Variants in NFKBID observed in about 807,000 individuals in gnomAD.
NFKBID encodes the protein NF-kappa-B inhibitor delta.
A neutral mutation model predicts 53.4 loss-of-function variants in NFKBID; 26 were observed. That is an observed-to-expected ratio of 0.49 (90% CI 0.36 to 0.68). The LOEUF is 0.68. Among genes scored for constraint, NFKBID ranks in the 30% least tolerant of loss-of-function variants. The pLI, the probability that NFKBID is intolerant of heterozygous loss-of-function variation, is 0.00. For missense variants in NFKBID, 493 were observed against 614.1 expected (o/e 0.80, Z 2.08); for synonymous variants, 262 against 259.8 (o/e 1.01, Z -0.08).
chr19:35,893,692 T>C (rs575054511), intron 9 of NFKBID, among the ~76,000 whole-genome samples: 1 of 151,686 alleles, frequency 6.6e-6, no homozygotes, highest in East Asian at 2.0e-4. Flanking sequence ...TGGTGGCGGG[T>C]GCCTATAGTC....
chr19:35,893,801 C>A (rs1381984882), intron 9 of NFKBID, among the ~76,000 whole-genome samples: 4 of 140,412 alleles, frequency 2.8e-5, no homozygotes, highest in African/African-American at 1.1e-4. Flanking sequence ...GCCTGGGTGA[C>A]AGAGCGAGAG....
At chr19:35,894,383 T>G (rs1358745292) in intron 9 of NFKBID, among the ~76,000 whole-genome samples, 1 of 152,180 alleles carries the variant, frequency 6.6e-6, no homozygotes, top group Non-Finnish European at 1.5e-5. Context: ...CTACCTGGGT[T>G]CTAATTCTCT....
chr19:35,890,629 TGAA>T (rs772776312), intron 9 of NFKBID, 139 bp from the exon 10 acceptor site: 4 of 743,966 alleles, frequency 5.4e-6, no homozygotes, highest in East Asian at 2.5e-5. Context: ...TTTGGGAAGC[TGAA>T]GAAGGAGGAT....
At chr19:35,890,883 A>ATAAG (rs748550662) in intron 9 of NFKBID, among the ~76,000 whole-genome samples, 4 of 151,760 alleles carry the variant, frequency 2.6e-5, no homozygotes, top group Non-Finnish European at 4.4e-5. Flanking sequence ...AAATAAATAA[A>ATAAG]TAAGATGCTG....
Position 35,896,970 on chromosome 19 carries a change from G to T in NFKBID, c.521C>A (p.Ala174Asp), listed in dbSNP as rs770789091. ...CTGTGGCCCCAAAGCCAGCATGTGA[G>T]CTCGGGCCACCTCCAGCGATGGTCC... is the stretch of plus-strand genomic sequence containing the variant. Residue 174 changes from alanine to aspartate, a missense_variant, in exon 5 of 12, where the codon GCT becomes GAT. Around this residue, in one of 2 missense-constraint regions of NFKBID, gnomAD observed 226 missense variants for 229.5 expected, o/e 0.98. Transcript: ENST00000641389. This position sits in a 1 kb window ranked among gnomAD's most constrained non-coding sequence, Gnocchi z 5.7. 5.6e-6 allele frequency: 9 copies of T among 1,608,944 alleles called. No individual in the cohort carries two copies. The highest frequency in any genetic ancestry group is 7.6e-6 in the Non-Finnish European group (9 of 1,177,744).
intron 9 of NFKBID, among the ~76,000 whole-genome samples, chr19:35,893,164 G>A (rs1410132398): frequency 6.6e-6 from 1 of 151,990 alleles, no homozygotes; most frequent in African/African-American, 2.4e-5. Context: ...GCCAGACTCT[G>A]TCTCTAAAAA....
Position 35,896,580 on chromosome 19 carries a change from T to A in NFKBID, c.685-42A>T. The stretch of plus-strand genomic sequence containing the variant: ...AAGTCAGGTTGGGCTCCTGGTTCCC[T>A]CCCGTCAGAAAACCAGGCTCCCAGC... On this transcript the variant is annotated intron_variant, in intron 6 of 11. Transcript: ENST00000641389. The surrounding 1 kb of genome is among the most constrained non-coding windows in gnomAD (Gnocchi z 5.7). The A allele has an allele frequency of 6.2e-7, 1 of 1,608,164 alleles. No individual in the cohort carries two copies. Among genetic ancestry groups the A allele is most frequent in the Non-Finnish European group, 8.5e-7 (1 of 1,175,804 alleles).
At chr19:35,895,993 T>C in exon 9 of NFKBID, 1 of 1,614,128 alleles carries the variant, frequency 6.2e-7, no homozygotes, top group Middle Eastern at 1.7e-4. Context: ...GCTGGTGTGA[T>C]TAGCACCCAT....
At chr19:35,891,791 C>T (rs929354822) in intron 9 of NFKBID, among the ~76,000 whole-genome samples, 6 of 151,908 alleles carry the variant, frequency 3.9e-5, no homozygotes, top group African/African-American at 1.2e-4. Context: ...AGCTTGAACC[C>T]GGGAGGCAGA....
chr19:35,900,521 G>A (rs1975503502), exon 1 of NFKBID: 3 of 1,231,672 alleles, frequency 2.4e-6, no homozygotes, highest in Non-Finnish European at 3.0e-6. Flanking sequence ...TTTCCCCCGC[G>A]GAGCCGCCGC....
chr19:35,900,723 G>T, upstream of NFKBID: 1 of 1,065,528 alleles, frequency 9.4e-7, no homozygotes, highest in Non-Finnish European at 1.2e-6. Flanking sequence ...GGGAGCTGGG[G>T]TCCAGATCTT....
chr19:35,897,902 G>T, intron 3 of NFKBID, 46 bp from the exon 4 acceptor site: 1 of 1,354,816 alleles, frequency 7.4e-7, no homozygotes, highest in South Asian at 1.2e-5. Flanking sequence ...TACCAGAGTT[G>T]GGGACGTCAC....
chr19:35,895,887 G>C (rs1975105752), intron 9 of NFKBID, 93 bp downstream of exon 9: 2 of 1,220,142 alleles, frequency 1.6e-6, no homozygotes, highest in African/African-American at 1.5e-5. Context: ...GCAAGGAAGA[G>C]GCAAAGTCAG....
At chr19:35,898,605 A>G (rs1975356022) in intron 2 of NFKBID, 73 bp from the exon 3 acceptor site, 2 of 1,427,364 alleles carry the variant, frequency 1.4e-6, no homozygotes, top group African/African-American at 2.9e-5. Flanking sequence ...TCTCGGATCT[A>G]TAAGACATTT....
intron 9 of NFKBID, among the ~76,000 whole-genome samples, chr19:35,894,030 G>A (rs962484639): frequency 1.3e-5 from 2 of 152,118 alleles, no homozygotes; most frequent in East Asian, 1.9e-4. Context: ...CAAGGCGGGC[G>A]GCTCACCTGA....
At chr19:35,888,454 A>G in exon 12 of NFKBID, 1 of 827,844 alleles carries the variant, frequency 1.2e-6, no homozygotes, top group Non-Finnish European at 2.0e-6. Flanking sequence ...CCCCAATGGC[A>G]GGATATTCCA....
chr19:35,897,872 G>A lies in NFKBID; in HGVS notation c.227-16C>T. The A allele has an allele frequency of 6.6e-7, 1 of 1,514,908 alleles. No homozygotes were observed. The highest frequency in any genetic ancestry group is 8.9e-7 in the Non-Finnish European group (1 of 1,127,392). The allele number at this position is 1,514,908 out of a possible 1,614,324, so 93.8% of individuals were successfully genotyped here. ...GGAGGGTGGCCTGCGTGTAAGAGGA[G>A]GGGCAGGGGCAGGTCTGGTTACCAG... On this transcript the variant is annotated splice_polypyrimidine_tract_variant and intron_variant, in intron 3 of 11. Transcript: ENST00000641389.
exon 12 of NFKBID, chr19:35,888,398 G>A (rs1315935955): frequency 1.7e-6 from 1 of 600,154 alleles, no homozygotes; most frequent in Non-Finnish European, 3.0e-6. Flanking sequence ...CCAAATATTG[G>A]GGCCTGTTCA....
exon 10 of NFKBID, chr19:35,890,412 G>A (rs374262989): frequency 2.4e-5 from 38 of 1,613,800 alleles, no homozygotes; most frequent in Non-Finnish European, 3.0e-5. Flanking sequence ...CCCCGGGGCA[G>A]CTCCAGCAGC....
Sources: allele counts gnomAD v4.1 joint callset (sites outside exome capture counted in the v4.1 genomes callset), GRCh38; gene constraint gnomAD v4.1.1; regional missense constraint gnomAD v4.1.1; non-coding constraint Gnocchi (gnomAD v3.1); transcripts MANE v1.5; gene names NCBI Gene and HGNC (gene_info 2026-07-23, HGNC 2026-07-21).